The following ZEB1 variants were observed in gnomAD, a reference collection of about 807,000 sequenced individuals.
ZEB1 encodes zinc finger E-box-binding homeobox 1.
Under a neutral mutation model 84.9 loss-of-function variants are expected in ZEB1, and 21 were observed. The ratio of observed to expected loss-of-function variants is 0.25; its 90% CI spans 0.18 to 0.36. ZEB1 has a LOEUF of 0.36. Ranked by LOEUF, ZEB1 falls within the 10% of genes least tolerant of loss-of-function variation. The pLI, the probability that ZEB1 is intolerant of heterozygous loss-of-function variation, is 1.00. For missense variants in ZEB1, 1,104 were observed against 1,330.2 expected (o/e 0.83, Z 2.65); for synonymous variants, 420 against 471.1 (o/e 0.89, Z 1.41).
chr10:31,367,730 A>C (rs1408170538), intron 1 of ZEB1, among the ~76,000 whole-genome samples: 1 of 152,140 alleles, frequency 6.6e-6, no homozygotes, highest in African/African-American at 2.4e-5. Flanking sequence ...TATGAATGTA[A>C]ACTGGTTCTT....
chr10:31,517,926 T>G (rs2071463006), intron 6 of ZEB1, among the ~76,000 whole-genome samples: 1 of 152,112 alleles, frequency 6.6e-6, no homozygotes, highest in Non-Finnish European at 1.5e-5. Context: ...CTTAATTAAC[T>G]TGTCCAAGGT....
intron 2 of ZEB1, among the ~76,000 whole-genome samples, chr10:31,478,964 A>G (rs1013637695): frequency 6.6e-6 from 1 of 151,860 alleles, no homozygotes; most frequent in South Asian, 2.1e-4. Flanking sequence ...TAGAAGCCCA[A>G]ACCTCACTAT....
Position 31,524,058 on chromosome 10 carries a change from T to C in ZEB1, c.2730T>C (p.Cys910=). The C allele has an allele frequency of 6.2e-7, 1 of 1,613,920 alleles. No homozygotes were observed. Among genetic ancestry groups the C allele is most frequent in the Non-Finnish European group, 8.5e-7 (1 of 1,179,922 alleles). ...TENGMYACDL[C]DKIFQKSSSL... The stretch of plus-strand genomic sequence containing the variant: ...ATGGAATGTATGCTTGTGATTTGTG[T>C]GACAAGATATTCCAAAAGAGTAGTT... Residue 910 remains cysteine (C), a synonymous_variant, in exon 8 of 9, where the codon TGT becomes TGC. Coordinates refer to ENST00000424869, the MANE Select transcript of ZEB1 (RefSeq NM_001174096.2).
chr10:31,401,863 A>G (rs1306136416), intron 1 of ZEB1, among the ~76,000 whole-genome samples: 1 of 152,120 alleles, frequency 6.6e-6, no homozygotes, highest in African/African-American at 2.4e-5. Flanking sequence ...TAGGCAGTGG[A>G]GATGTTATTT....
intron 1 of ZEB1, chr10:31,355,195 A>G (rs1248018569): frequency 6.6e-6 from 1 of 152,166 alleles, no homozygotes; most frequent in Non-Finnish European, 1.5e-5. Context: ...TTATTAAGGT[A>G]AAGAATCTGG....
At chr10:31,410,765 T>A (rs180754652) in intron 1 of ZEB1, among the ~76,000 whole-genome samples, 126 of 152,330 alleles carry the variant, frequency 8.3e-4, no homozygotes, top group African/African-American at 2.9e-3. Context: ...TTATTCATTT[T>A]TTCCTAGATT....
At chr10:31,398,978 G>C (rs1284582866) in intron 1 of ZEB1, among the ~76,000 whole-genome samples, 1 of 149,408 alleles carries the variant, frequency 6.7e-6, no homozygotes, top group Non-Finnish European at 1.5e-5. Context: ...CTAATGATCA[G>C]AAGTCCTTTA....
intron 1 of ZEB1, among the ~76,000 whole-genome samples, chr10:31,339,782 AC>A (rs1325664213): frequency 6.6e-6 from 1 of 150,430 alleles, no homozygotes; most frequent in Non-Finnish European, 1.5e-5. Context: ...AAAAAAAAAA[AC>A]CTATATAAAA....
At chr10:31,399,988 G>A (rs943768721) in intron 1 of ZEB1, among the ~76,000 whole-genome samples, 1 of 152,124 alleles carries the variant, frequency 6.6e-6, no homozygotes, top group Non-Finnish European at 1.5e-5. Flanking sequence ...CTCATTACTT[G>A]AGATTTGTAC....
chr10:31,401,799 G>A (rs1013998270), intron 1 of ZEB1, among the ~76,000 whole-genome samples: 6 of 152,068 alleles, frequency 3.9e-5, no homozygotes, highest in Middle Eastern at 6.3e-3. Flanking sequence ...TTTTTAACCA[G>A]ATGCCTTTAG....
rs182251590 is a variant in ZEB1, at chr10:31,353,280, G to A, written c.58+33988G>A. On this transcript the variant is annotated intron_variant, in intron 1 of 8. Coordinates refer to ENST00000424869, the MANE Select transcript of ZEB1 (RefSeq NM_001174096.2). ...ATAATACTTAAAGGTATGTTTTAAAGATAAATCATAATTCATCTAAAGTCT... is the reference window on the plus strand; with the variant it reads ...ATAATACTTAAAGGTATGTTTTAAAAATAAATCATAATTCATCTAAAGTCT... Among the ~76,000 whole-genome samples, 280 of 152,278 alleles carry A rather than the reference G, an allele frequency of 1.8e-3. 3 individuals carry two copies. The highest frequency in any genetic ancestry group is 6.4e-3 in the African/African-American group (267 of 41,554).
At chr10:31,340,703 G>C (rs896658525) in intron 1 of ZEB1, among the ~76,000 whole-genome samples, 1 of 152,110 alleles carries the variant, frequency 6.6e-6, no homozygotes, top group African/African-American at 2.4e-5. Context: ...ACAGACACTT[G>C]TATAAAGCAT....
intron 1 of ZEB1, among the ~76,000 whole-genome samples, chr10:31,362,608 G>A (rs1411557922): frequency 2.8e-5 from 4 of 143,028 alleles, no homozygotes; most frequent in African/African-American, 1.0e-4. Flanking sequence ...GACAGGGCGG[G>A]GGCCGGGCAG....
rs2067159008 is a variant in ZEB1, at chr10:31,495,919, G to C, written c.322+81G>C. ...CACTGATTTCGCATTTGTGAGTCCT[G>C]AATTTAGTCCGTTTCCTTCTCTTTT... On this transcript the variant is annotated intron_variant, in intron 3 of 8. Transcript: ENST00000424869. 4.1e-6 allele frequency: 6 copies of C among 1,448,164 alleles called. No individual in the cohort carries two copies. The South Asian group carries it at 6.9e-5, about 17-fold the overall frequency. 89.7% of individuals were successfully genotyped at this position (1,448,164 alleles called of 1,614,324 possible).
intron 1 of ZEB1, among the ~76,000 whole-genome samples, chr10:31,331,081 C>CTTTTTTTTTTTTTTTTTTTTTTTTTTTT (rs548615284): frequency 5.1e-5 from 4 of 77,872 alleles, no homozygotes; most frequent in South Asian, 5.1e-4. Context: ...TTCTTTCTTT[C>CTTTTTTTTTTTTTTTTTTTTTTTTTTTT]TTTTTTTTTT....
chr10:31,524,923 C>T (rs2139914789), intron 8 of ZEB1, among the ~76,000 whole-genome samples: 1 of 152,278 alleles, frequency 6.6e-6, no homozygotes, highest in East Asian at 1.9e-4. Flanking sequence ...TTCTGAGATC[C>T]TGTAATTCTG....
chr10:31,518,460 G>A (rs1241508324), intron 6 of ZEB1, among the ~76,000 whole-genome samples: 1 of 152,070 alleles, frequency 6.6e-6, no homozygotes, highest in African/African-American at 2.4e-5. Context: ...AGGGAAATAG[G>A]CATCATAGCT....
intron 2 of ZEB1, among the ~76,000 whole-genome samples, chr10:31,474,155 G>C (rs1392191997): frequency 1.3e-5 from 2 of 152,088 alleles, no homozygotes; most frequent in Non-Finnish European, 2.9e-5. Flanking sequence ...CACGGGCAAG[G>C]ACTTCATGTC....
At chr10:31,409,130 C>A (rs954986405) in intron 1 of ZEB1, among the ~76,000 whole-genome samples, 16 of 152,268 alleles carry the variant, frequency 1.1e-4, no homozygotes, top group East Asian at 7.7e-4. Context: ...ATGCAGCCAA[C>A]AAACACATGA....
Sources: gnomAD v4.1 joint callset for allele counts (sites outside exome capture counted in the v4.1 genomes callset) on GRCh38, gnomAD v4.1.1 for gene constraint, MANE v1.5 for transcripts, NCBI Gene and HGNC (gene_info 2026-07-23, HGNC 2026-07-21) for gene names.